CTXND2: variants seen among roughly 807,000 people sequenced by gnomAD.
CTXND2 encodes the protein cortexin domain containing 2.
chr1:150,898,927 A>ATAT (rs1553235138), intron 1 of CTXND2, among the ~76,000 whole-genome samples: 1 of 140,748 alleles, frequency 7.1e-6, no homozygotes, highest in African/African-American at 2.6e-5. Flanking sequence ...AATACAAAAA[A>ATAT]AAAAATATAT....
intron 1 of CTXND2, among the ~76,000 whole-genome samples, chr1:150,889,375 G>C (rs368847091): frequency 5.3e-5 from 8 of 150,080 alleles, no homozygotes; most frequent in Admixed American, 1.3e-4. Context: ...ACTCCAGCCT[G>C]GGCGACACAG....
chr1:150,898,204 T>G (rs1202976419), intron 1 of CTXND2, among the ~76,000 whole-genome samples: 2 of 151,904 alleles, frequency 1.3e-5, no homozygotes, highest in African/African-American at 4.8e-5. Flanking sequence ...TCTCTCATGA[T>G]GTGCTTTTTA....
intron 1 of CTXND2, among the ~76,000 whole-genome samples, chr1:150,899,953 C>A (rs1423360948): frequency 6.6e-6 from 1 of 152,142 alleles, no homozygotes; most frequent in East Asian, 1.9e-4. Flanking sequence ...ACGCACCAAT[C>A]AGCACTCTGT....
chr1:150,902,600 A>T (rs1266701747), intron 1 of CTXND2, among the ~76,000 whole-genome samples: 1 of 152,078 alleles, frequency 6.6e-6, no homozygotes, highest in Non-Finnish European at 1.5e-5. Context: ...AATGGGTGGC[A>T]AGGATGAGAT....
chr1:150,895,382 T>G (rs1337030715), intron 1 of CTXND2, among the ~76,000 whole-genome samples: 6 of 152,054 alleles, frequency 3.9e-5, no homozygotes, highest in Admixed American at 1.3e-4. Flanking sequence ...CTCTTTCTGT[T>G]GCCCAGGCTG....
At chr1:150,909,949 A>G (rs1669220219) in intron 1 of CTXND2, among the ~76,000 whole-genome samples, 1 of 152,118 alleles carries the variant, frequency 6.6e-6, no homozygotes, top group Admixed American at 6.6e-5. Context: ...CTTGTGACCA[A>G]TGAGGGGTCT....
At chr1:150,900,857 C>A (rs778943580) in intron 1 of CTXND2, among the ~76,000 whole-genome samples, 2 of 152,158 alleles carry the variant, frequency 1.3e-5, no homozygotes, top group African/African-American at 2.4e-5. Flanking sequence ...CGAGACTGGG[C>A]ATGGTGGCTC....
intron 1 of CTXND2, among the ~76,000 whole-genome samples, chr1:150,895,214 T>C (rs1390813285): frequency 6.6e-6 from 1 of 152,074 alleles, no homozygotes; most frequent in South Asian, 2.1e-4. Flanking sequence ...CTTTAAATTT[T>C]AGGTGAATTT....
At chr1:150,907,312 A>G (rs1669166347) in intron 1 of CTXND2, among the ~76,000 whole-genome samples, 1 of 152,220 alleles carries the variant, frequency 6.6e-6, no homozygotes, top group African/African-American at 2.4e-5. Flanking sequence ...GAAAACCTGT[A>G]TCATTTAACT....
chr1:150,904,709 A>G (rs1468683092), intron 1 of CTXND2, among the ~76,000 whole-genome samples: 1 of 152,188 alleles, frequency 6.6e-6, no homozygotes, highest in Non-Finnish European at 1.5e-5. Flanking sequence ...TGCCAATCTA[A>G]TTAGAATTCC....
intron 1 of CTXND2, chr1:150,904,190 C>T (rs1669095752): frequency 4.8e-6 from 3 of 627,988 alleles, no homozygotes; most frequent in Non-Finnish European, 8.9e-6. Context: ...GACAGCTTAT[C>T]TCAAAAAAGC....
At chr1:150,896,639 AC>A (rs1385848956) in intron 1 of CTXND2, among the ~76,000 whole-genome samples, 3 of 152,332 alleles carry the variant, frequency 2.0e-5, no homozygotes, top group South Asian at 2.1e-4. Context: ...CTTTTAGATC[AC>A]CAGTAGTCTT....
At chr1:150,895,626 C>A (rs78132593) in intron 1 of CTXND2, among the ~76,000 whole-genome samples, 21,463 of 152,124 alleles carry the variant, frequency 0.14, 1,979 homozygotes, top group Non-Finnish European at 0.21. Context: ...TGATTACAGG[C>A]GTGAGCCACT....
At chr1:150,909,611 C>T (rs988596306) in intron 1 of CTXND2, among the ~76,000 whole-genome samples, 8 of 151,916 alleles carry the variant, frequency 5.3e-5, no homozygotes, top group Non-Finnish European at 4.4e-5. Context: ...TTTTGTTGCT[C>T]GTGATTTTGC....
intron 1 of CTXND2, among the ~76,000 whole-genome samples, chr1:150,897,080 G>C (rs1668922680): frequency 6.6e-6 from 1 of 152,166 alleles, no homozygotes; most frequent in African/African-American, 2.4e-5. Flanking sequence ...ACAAGGGACA[G>C]AGAGGTAAGA....
chr1:150,889,690 T>A (rs1668823516), intron 1 of CTXND2, among the ~76,000 whole-genome samples: 1 of 152,118 alleles, frequency 6.6e-6, no homozygotes. Context: ...CAATACTTTT[T>A]ACGCACTCTT....
intron 1 of CTXND2, chr1:150,903,886 A>G: frequency 1.6e-6 from 1 of 609,060 alleles, no homozygotes; most frequent in South Asian, 1.4e-5. Flanking sequence ...GATGAAAAAG[A>G]GAATTAAATA....
intron 1 of CTXND2, among the ~76,000 whole-genome samples, chr1:150,901,476 A>G (rs1326117004): frequency 1.3e-5 from 2 of 152,210 alleles, no homozygotes; most frequent in Non-Finnish European, 2.9e-5. Flanking sequence ...GGGTGCTCAC[A>G]TGTTATGATT....
chr1:150,897,678 A>C (rs1204880248), intron 1 of CTXND2, among the ~76,000 whole-genome samples: 1 of 152,252 alleles, frequency 6.6e-6, no homozygotes, highest in Non-Finnish European at 1.5e-5. Flanking sequence ...TTTTGAATGC[A>C]AAAATGCATA....
Sources: gnomAD v4.1 joint callset for allele counts (sites outside exome capture counted in the v4.1 genomes callset) on GRCh38, gnomAD v4.1.1 for gene constraint, MANE v1.5 for transcripts, NCBI Gene and HGNC (gene_info 2026-07-23, HGNC 2026-07-21) for gene names.